JMJD1C: variants seen among roughly 807,000 people sequenced by gnomAD.
JMJD1C encodes the protein jumonji domain containing 1C, also known as jumonji domain-containing protein 1C.
A neutral mutation model predicts 245.3 loss-of-function variants in JMJD1C; 31 were observed. The ratio of observed to expected loss-of-function variants is 0.13; its 90% CI spans 0.09 to 0.17. JMJD1C has a LOEUF of 0.17. JMJD1C is among the 10% of genes least tolerant of loss of function. The probability of loss-of-function intolerance (pLI) is 1.00; values close to 1 mark genes in which losing one functional copy is unlikely to be tolerated. For synonymous variants in JMJD1C, 1,057 were observed against 1,017.4 expected (o/e 1.04, Z -0.74); for missense variants, 2,691 against 3,000.2 (o/e 0.90, Z 2.41).
Position 63,323,333 on chromosome 10 carries a change from G to A in JMJD1C, c.333+56985C>T, listed in dbSNP as rs531588674. Reference sequence around the variant, plus strand: ...GAGGTCAGGAGTTTGAGTCCATCCTGGCCAACATGGTGAAATCCCACCTCT... The same window carrying A: ...GAGGTCAGGAGTTTGAGTCCATCCTAGCCAACATGGTGAAATCCCACCTCT... On this transcript the variant is annotated intron_variant, in intron 2 of 25. Coordinates refer to ENST00000399262, the MANE Select transcript of JMJD1C (RefSeq NM_032776.3). Among the ~76,000 whole-genome samples the A allele has an allele frequency of 9.2e-5, 14 of 152,190 alleles. No homozygotes were observed. In the East Asian group the frequency reaches 2.5e-3, roughly 27 times the overall value.
intron 1 of JMJD1C, among the ~76,000 whole-genome samples, chr10:63,463,834 A>T (rs1483210504): frequency 6.6e-6 from 1 of 152,018 alleles, no homozygotes; most frequent in Non-Finnish European, 1.5e-5. Flanking sequence ...ACCTGAAGAA[A>T]CTCCTATTCT....
chr10:63,208,400 T>C lies in JMJD1C; in HGVS notation c.3269A>G (p.Gln1090Arg). Residue 1090 changes from glutamine to arginine, a missense_variant, in exon 10 of 26, where the codon CAA becomes CGA. This residue lies in a region of JMJD1C where 1,562 missense variants were observed against 1,490.7 expected (regional missense o/e 1.05). Transcript: ENST00000399262. ...AGACAATGTAGTGAAATAGTTACTT[T>C]GGGGTAAACTCTGAGGCACTGAGTG... ...MKHSVPQSLP[Q>R]SNYFTTLSNS... 6.2e-7 allele frequency: 1 copy of C among 1,614,038 alleles called. No individual in the cohort carries two copies. The highest frequency in any genetic ancestry group is 1.1e-5 in the South Asian group (1 of 91,066).
chr10:63,439,078 C>G (rs913214150), intron 1 of JMJD1C, among the ~76,000 whole-genome samples: 32 of 152,122 alleles, frequency 2.1e-4, no homozygotes, highest in African/African-American at 7.2e-4. Context: ...GGATTGCCCC[C>G]TCATACTTCA....
chr10:63,390,919 T>C (rs1234094151), intron 1 of JMJD1C, among the ~76,000 whole-genome samples: 1 of 152,160 alleles, frequency 6.6e-6, no homozygotes, highest in Non-Finnish European at 1.5e-5. Context: ...CAACCTTCCC[T>C]TTAAGAACTG....
At chr10:63,458,923 T>C (rs1296602850) in intron 1 of JMJD1C, among the ~76,000 whole-genome samples, 3 of 152,150 alleles carry the variant, frequency 2.0e-5, no homozygotes, top group African/African-American at 7.2e-5. Flanking sequence ...GATTTCACCA[T>C]GTTGCCCAGG....
intron 5 of JMJD1C, 45 bp downstream of exon 5, chr10:63,217,162 T>G (rs768017076): frequency 2.6e-6 from 4 of 1,555,178 alleles, no homozygotes; most frequent in East Asian, 4.5e-5. Context: ...CATGGATGAT[T>G]TGAACTTTTA....
At chr10:63,439,940 G>A (rs758424713) in intron 1 of JMJD1C, among the ~76,000 whole-genome samples, 8 of 152,178 alleles carry the variant, frequency 5.3e-5, no homozygotes, top group Non-Finnish European at 1.0e-4. Flanking sequence ...TATGCAGCAA[G>A]GGAATGAGAT....
At chr10:63,170,928 A>C (rs182161892) in intron 24 of JMJD1C, among the ~76,000 whole-genome samples, 22 of 152,306 alleles carry the variant, frequency 1.4e-4, no homozygotes, top group Non-Finnish European at 3.1e-4. Flanking sequence ...CATCAGTTAT[A>C]ATTATAAATA....
At chr10:63,267,500 T>C (rs771590779) in intron 2 of JMJD1C, among the ~76,000 whole-genome samples, 114 of 152,282 alleles carry the variant, frequency 7.5e-4, no homozygotes, top group Non-Finnish European at 1.1e-3. Flanking sequence ...CACTGGAATG[T>C]AAAGAAACTA....
intron 1 of JMJD1C, among the ~76,000 whole-genome samples, chr10:63,457,054 T>C (rs191861642): frequency 6.6e-6 from 1 of 152,318 alleles, no homozygotes; most frequent in African/African-American, 2.4e-5. Flanking sequence ...GTCTGCATAG[T>C]GCTGACTTAT....
rs7069161 is a variant in JMJD1C, at chr10:63,379,373, A to G, written c.333+945T>C. ...CTAGATGTTTTGCCAGAAAACAGCA[A>G]TAACAATAGTTAAATGAATGTGGCT... On this transcript the variant is annotated intron_variant, in intron 2 of 25. Transcript: ENST00000399262. Among the ~76,000 whole-genome samples, 1,404 of 152,330 alleles carry G rather than the reference A, an allele frequency of 9.2e-3. 18 individuals carry two copies. The highest frequency in any genetic ancestry group is 0.031 in the African/African-American group (1,285 of 41,586).
At chr10:63,206,492 G>C (rs1172328670) in intron 10 of JMJD1C, 103 bp downstream of exon 10, 1 of 835,946 alleles carries the variant, frequency 1.2e-6, no homozygotes, top group African/African-American at 1.7e-5. Context: ...CGCAAATGAA[G>C]ACAAAGGATG....
chr10:63,474,710 A>T (rs547536428), intron 1 of JMJD1C, among the ~76,000 whole-genome samples: 2 of 152,162 alleles, frequency 1.3e-5, no homozygotes, highest in Non-Finnish European at 2.9e-5. Flanking sequence ...TTAGCCTCCC[A>T]AAGTGCTGGG....
intron 1 of JMJD1C, among the ~76,000 whole-genome samples, chr10:63,464,921 G>A (rs181294309): frequency 1.7e-3 from 264 of 152,294 alleles, no homozygotes; most frequent in Non-Finnish European, 3.2e-3. Context: ...ATCTATTAAG[G>A]AGAGGATGAA....
chr10:63,453,267 C>T (rs1321402357), intron 1 of JMJD1C, among the ~76,000 whole-genome samples: 1 of 152,034 alleles, frequency 6.6e-6, no homozygotes, highest in Admixed American at 6.6e-5. Flanking sequence ...AGAGCAAGAC[C>T]CTGTCTCAAA....
chr10:63,311,520 C>T (rs1403989327), intron 2 of JMJD1C, among the ~76,000 whole-genome samples: 3 of 151,888 alleles, frequency 2.0e-5, no homozygotes, highest in Non-Finnish European at 4.4e-5. Context: ...ACCAAGAAAC[C>T]TAAAAGTTAT....
At chr10:63,239,410 T>C (rs927299500) in intron 3 of JMJD1C, among the ~76,000 whole-genome samples, 2 of 151,976 alleles carry the variant, frequency 1.3e-5, no homozygotes, top group Non-Finnish European at 2.9e-5. Flanking sequence ...GAGACTAATA[T>C]GTAAGGGCAA....
intron 10 of JMJD1C, chr10:63,202,403 TA>T (rs917480108): frequency 4.1e-6 from 4 of 985,350 alleles, no homozygotes; most frequent in Admixed American, 6.1e-5. Context: ...GCTGAAAGAA[TA>T]AAACTGTATT....
intron 2 of JMJD1C, among the ~76,000 whole-genome samples, chr10:63,315,616 C>T (rs112109509): frequency 0.037 from 5,604 of 151,552 alleles, 330 homozygotes; most frequent in East Asian, 0.29. Context: ...AGGCAGCGGG[C>T]GGGTCACAAG....
Sources: gnomAD v4.1 joint callset for allele counts (sites outside exome capture counted in the v4.1 genomes callset) on GRCh38, gnomAD v4.1.1 for gene constraint, gnomAD v4.1.1 regional missense constraint, MANE v1.5 for transcripts, NCBI Gene and HGNC (gene_info 2026-07-23, HGNC 2026-07-21) for gene names.